The following SBF2 variants were observed in gnomAD, a reference collection of about 807,000 sequenced individuals.
SBF2 encodes myotubularin-related protein 13.
SBF2 carries 112 observed loss-of-function variants against 225.2 expected under a neutral mutation model. The ratio of observed to expected loss-of-function variants is 0.50; its 90% CI spans 0.43 to 0.58. The LOEUF (loss-of-function observed/expected upper bound fraction) is 0.58. Ranked by LOEUF, SBF2 falls within the 20% of genes least tolerant of loss-of-function variation. SBF2 has a pLI of 0.00. For synonymous variants in SBF2, 763 were observed against 773.3 expected (o/e 0.99, Z 0.22); for missense variants, 1,996 against 2,206.2 (o/e 0.90, Z 1.91).
intron 2 of SBF2, among the ~76,000 whole-genome samples, chr11:10,118,114 T>G (rs1004342562): frequency 1.3e-5 from 2 of 152,192 alleles, no homozygotes; most frequent in African/African-American, 4.8e-5. Context: ...GAATTCACCT[T>G]TCCTTTCACC....
intron 16 of SBF2, among the ~76,000 whole-genome samples, chr11:9,923,003 T>G (rs1002383009): frequency 6.6e-6 from 1 of 152,136 alleles, no homozygotes; most frequent in African/African-American, 2.4e-5. Context: ...TATAACCTAG[T>G]TCTGCCTACA....
chr11:9,999,325 GTATGTATT>G (rs1486038254), intron 8 of SBF2, among the ~76,000 whole-genome samples: 21 of 130,796 alleles, frequency 1.6e-4, no homozygotes, highest in African/African-American at 5.8e-4. Context: ...ATGTATGTAT[GTATGTATT>G]TATTTTTGAG....
chr11:10,072,546 A>C (rs1216256312), intron 2 of SBF2, among the ~76,000 whole-genome samples: 1 of 152,092 alleles, frequency 6.6e-6, no homozygotes, highest in East Asian at 1.9e-4. Context: ...AAAAGTACTT[A>C]AATAGAGGAA....
At position 10,131,898 on chromosome 11, in the gene SBF2, T is replaced by C. The variant is rs568002602; in HGVS notation, c.141+62004A>G. ...ATTTAGCAATTTTTTATAGATCATG[T>C]TTCTTGTGTCATGTCTAAGAACTCT... is the stretch of plus-strand genomic sequence containing the variant. On this transcript the variant is annotated intron_variant, in intron 2 of 39. Coordinates refer to ENST00000256190, the MANE Select transcript of SBF2 (RefSeq NM_030962.4). 5.3e-5 allele frequency among the ~76,000 whole-genome samples: 8 copies of C among 152,344 alleles called. No individual in the cohort carries two copies. In the South Asian group the frequency reaches 1.2e-3, roughly 24 times the overall value.
chr11:10,187,307 CCT>C (rs148358560), intron 2 of SBF2, among the ~76,000 whole-genome samples: 12 of 149,572 alleles, frequency 8.0e-5, no homozygotes, highest in Admixed American at 1.3e-4. Flanking sequence ...CTTTTTCTCT[CCT>C]CTCTCTCTCT....
At chr11:9,880,039 G>A (rs1197923032) in intron 17 of SBF2, among the ~76,000 whole-genome samples, 4 of 136,678 alleles carry the variant, frequency 2.9e-5, no homozygotes, top group East Asian at 2.2e-4. Flanking sequence ...AGATGAGATC[G>A]TGCCACTGCA....
At position 10,043,188 on chromosome 11, in the gene SBF2, C is replaced by T. The variant is rs4600201; in HGVS notation, c.142-207G>A. ...GTGCATATATATTTCATGAAGATAG[C>T]CTCGATTTCCCACAGTTGCCACTCT... On this transcript the variant is annotated intron_variant, in intron 2 of 39. Transcript: ENST00000256190. Among the ~76,000 whole-genome samples, 57 of 152,218 alleles carry T rather than the reference C, an allele frequency of 3.7e-4. 1 individual carries two copies. The highest frequency in any genetic ancestry group is 1.2e-3 in the African/African-American group (51 of 41,544).
chr11:10,187,508 T>C (rs931280909), intron 2 of SBF2, among the ~76,000 whole-genome samples: 14 of 152,170 alleles, frequency 9.2e-5, no homozygotes, highest in Admixed American at 9.2e-4. Flanking sequence ...CTTATAAAAA[T>C]GCCTGCTTTC....
At chr11:10,206,496 G>C (rs1957756123) in intron 1 of SBF2, among the ~76,000 whole-genome samples, 1 of 151,748 alleles carries the variant, frequency 6.6e-6, no homozygotes, top group Non-Finnish European at 1.5e-5. Context: ...ATCACAACTT[G>C]AATGACAAAA....
rs7358512 is a variant in SBF2, at chr11:9,806,599, T to C, written c.4443+1401A>G. On this transcript the variant is annotated intron_variant, in intron 32 of 39. Transcript: ENST00000256190. Reference sequence around the variant, plus strand: ...AACAGAAAACAAATATAGTATACTCTTTGCTGCAAAGAGTTTAAAGGTACA... The same window carrying C: ...AACAGAAAACAAATATAGTATACTCCTTGCTGCAAAGAGTTTAAAGGTACA... Among the ~76,000 whole-genome samples the C allele has an allele frequency of 4.1e-3, 623 of 152,296 alleles. 6 individuals carry two copies. The highest frequency in any genetic ancestry group is 6.7e-3 in the Non-Finnish European group (458 of 68,030).
At chr11:9,964,843 C>T (rs1028079514) in intron 14 of SBF2, among the ~76,000 whole-genome samples, 3 of 151,926 alleles carry the variant, frequency 2.0e-5, no homozygotes, top group Non-Finnish European at 4.4e-5. Context: ...CTATACTATG[C>T]CATTTGTTTA....
chr11:9,999,456 GATT>G, intron 8 of SBF2, among the ~76,000 whole-genome samples: 1 of 152,198 alleles, frequency 6.6e-6, no homozygotes, highest in Non-Finnish European at 1.5e-5. Flanking sequence ...GAGTAGCTGG[GATT>G]ACAGGCATGC....
intron 27 of SBF2, among the ~76,000 whole-genome samples, chr11:9,829,915 C>T (rs1387118568): frequency 6.6e-6 from 1 of 152,250 alleles, no homozygotes; most frequent in Non-Finnish European, 1.5e-5. Context: ...GAGTGGGTTC[C>T]TTTGACATCC....
At chr11:9,840,652 C>T (rs1477637275) in intron 25 of SBF2, among the ~76,000 whole-genome samples, 6 of 152,196 alleles carry the variant, frequency 3.9e-5, no homozygotes, top group Admixed American at 3.9e-4. Context: ...ACAAACTCAT[C>T]ATCCAGATTT....
At chr11:10,241,496 A>G (rs1959217021) in intron 1 of SBF2, among the ~76,000 whole-genome samples, 1 of 152,210 alleles carries the variant, frequency 6.6e-6, no homozygotes, top group Non-Finnish European at 1.5e-5. Context: ...AATATACAAT[A>G]GAGAAGAATG....
intron 1 of SBF2, among the ~76,000 whole-genome samples, chr11:10,195,982 A>G (rs1442237978): frequency 1.3e-5 from 2 of 152,190 alleles, no homozygotes; most frequent in Non-Finnish European, 2.9e-5. Context: ...GAGGTACACA[A>G]ATGAAAAAGA....
chr11:10,126,934 C>A (rs76422895), intron 2 of SBF2, among the ~76,000 whole-genome samples: 349 of 152,014 alleles, frequency 2.3e-3, no homozygotes, highest in African/African-American at 7.5e-3. Context: ...AAGTAAGACA[C>A]AAGAGATCAA....
At chr11:9,786,252 CTT>C (rs1852365820) in intron 36 of SBF2, among the ~76,000 whole-genome samples, 1 of 152,134 alleles carries the variant, frequency 6.6e-6, no homozygotes, top group African/African-American at 2.4e-5. Context: ...TAGAAAATCT[CTT>C]TTATATGTGA....
chr11:10,073,494 C>G (rs763840752), intron 2 of SBF2, among the ~76,000 whole-genome samples: 8 of 152,148 alleles, frequency 5.3e-5, no homozygotes, highest in Non-Finnish European at 1.0e-4. Context: ...GGGCAGATCA[C>G]TTGAGGTCAG....
Sources: allele counts gnomAD v4.1 joint callset (sites outside exome capture counted in the v4.1 genomes callset), GRCh38; gene constraint gnomAD v4.1.1; transcripts MANE v1.5; gene names NCBI Gene and HGNC (gene_info 2026-07-23, HGNC 2026-07-21).